Variants in FBXO27 observed in about 807,000 individuals in gnomAD.
FBXO27 encodes F-box protein 27.
FBXO27 carries 28 observed loss-of-function variants against 28.3 expected under a neutral mutation model. The ratio of observed to expected loss-of-function variants is 0.99; its 90% CI spans 0.73 to 1.36. The LOEUF is 1.36. Ranked by LOEUF, FBXO27 falls within the 40% of genes most tolerant of loss-of-function variation. FBXO27 has a pLI of 0.00. For missense variants in FBXO27, 388 were observed against 394.1 expected (o/e 0.98, Z 0.13); for synonymous variants, 175 against 167.3 (o/e 1.05, Z -0.36).
chr19:39,021,699 G>A (rs1261894184), downstream of FBXO27, among the ~76,000 whole-genome samples: 2 of 151,912 alleles, frequency 1.3e-5, no homozygotes, highest in Non-Finnish European at 2.9e-5. Flanking sequence ...GTCTTGCTGT[G>A]TTGCCCAGGC....
chr19:39,021,612 T>G (rs895481410), downstream of FBXO27, among the ~76,000 whole-genome samples: 2 of 152,194 alleles, frequency 1.3e-5, no homozygotes, highest in African/African-American at 4.8e-5. Flanking sequence ...GCGAGGCTTC[T>G]GGTCAACAGT....
chr19:39,013,983 A>C (rs1313121491), intron 2 of FBXO27, among the ~76,000 whole-genome samples: 3 of 152,170 alleles, frequency 2.0e-5, no homozygotes, highest in African/African-American at 7.2e-5. Flanking sequence ...ACTGCACTCC[A>C]GCCTGGGGGA....
At position 39,024,313 on chromosome 19, in the gene FBXO27, A is replaced by C. The variant is rs914600975; in HGVS notation, c.*1098T>G. 1 of 149,968 alleles carries C rather than the reference A, an allele frequency of 6.7e-6. No homozygotes were observed. Among genetic ancestry groups the C allele is most frequent in the Non-Finnish European group, 1.5e-5 (1 of 67,606 alleles). The allele number at this position is 149,968 out of a possible 1,614,324, so 9.3% of individuals were successfully genotyped here. A position where few individuals can be genotyped will look rare whatever the true frequency, so the allele number is the denominator to read the frequency against. On this transcript the variant is annotated 3_prime_UTR_variant, in exon 6 of 6. Coordinates refer to ENST00000292853, the MANE Select transcript of FBXO27 (RefSeq NM_178820.5). ...ATGATCATGGCTCACTATAGCCTCA[A>C]CCTGGGCACAAATGATCCTCCCACT...
chr19:39,020,508 G>C (rs953005054), downstream of FBXO27, among the ~76,000 whole-genome samples: 1 of 151,896 alleles, frequency 6.6e-6, no homozygotes, highest in Non-Finnish European at 1.5e-5. Context: ...GACCTTTAAG[G>C]CTCATTACAC....
intron 2 of FBXO27, among the ~76,000 whole-genome samples, chr19:39,012,483 G>A (rs1027400179): frequency 1.3e-5 from 2 of 151,906 alleles, no homozygotes; most frequent in Non-Finnish European, 2.9e-5. Context: ...CACGCCCAGC[G>A]TCATTTTCAA....
chr19:39,018,184 G>A (rs2072828623), intron 1 of FBXO27, among the ~76,000 whole-genome samples: 1 of 152,088 alleles, frequency 6.6e-6, no homozygotes, highest in East Asian at 1.9e-4. Context: ...GTTTCACCAT[G>A]TTGGCCAAAA....
chr19:39,025,997 G>A (rs979727414), intron 5 of FBXO27, among the ~76,000 whole-genome samples: 1 of 152,022 alleles, frequency 6.6e-6, no homozygotes, highest in African/African-American at 2.4e-5. Flanking sequence ...CAGCCTGGAT[G>A]ATGGAGCGAG....
chr19:39,019,267 C>CA (rs377475224), downstream of FBXO27, among the ~76,000 whole-genome samples: 16,791 of 147,730 alleles, frequency 0.11, 1,209 homozygotes, highest in African/African-American at 0.15. Flanking sequence ...ACTAAAAATA[C>CA]AAAAAAACTT....
downstream of FBXO27, among the ~76,000 whole-genome samples, chr19:39,020,381 A>G (rs1476387668): frequency 1.3e-5 from 2 of 152,042 alleles, no homozygotes; most frequent in Admixed American, 1.3e-4. Flanking sequence ...CTTTGATATT[A>G]GACAGTGTCC....
At chr19:39,026,222 C>T (rs1193428264) in intron 5 of FBXO27, among the ~76,000 whole-genome samples, 2 of 152,072 alleles carry the variant, frequency 1.3e-5, no homozygotes, top group Admixed American at 1.3e-4. Context: ...TGCCTAGGAG[C>T]CGCCATGGTG....
Position 39,025,314 on chromosome 19 carries a change from G to C in FBXO27, c.*97C>G. ...CCAGGAATTCTCAGTATGCCAGGGA[G>C]GTACAAGTGCTTGGTTGGTTAATGA... On this transcript the variant is annotated 3_prime_UTR_variant, in exon 6 of 6. Coordinates refer to ENST00000292853, the MANE Select transcript of FBXO27 (RefSeq NM_178820.5). 2.7e-6 allele frequency: 4 copies of C among 1,463,716 alleles called. No individual in the cohort carries two copies. The South Asian group carries it at 5.5e-5, about 20-fold the overall frequency. The allele number at this position is 1,463,716 out of a possible 1,614,324, so 90.7% of individuals were successfully genotyped here.
At chr19:39,027,206 C>T (rs1278167740) in intron 4 of FBXO27, among the ~76,000 whole-genome samples, 1 of 152,118 alleles carries the variant, frequency 6.6e-6, no homozygotes, top group African/African-American at 2.4e-5. Flanking sequence ...GGATAATCTA[C>T]CAATATGATT....
chr19:39,012,228 A>G (rs2072798881), intron 2 of FBXO27, among the ~76,000 whole-genome samples: 2 of 140,290 alleles, frequency 1.4e-5, no homozygotes, highest in South Asian at 4.5e-4. Context: ...CTTGTTGCCC[A>G]GGCTGGAGTG....
At chr19:39,019,424 C>T (rs1421547096), downstream of FBXO27, among the ~76,000 whole-genome samples, 3 of 35,418 alleles carry the variant, frequency 8.5e-5, no homozygotes, top group Admixed American at 1.4e-3. Flanking sequence ...GACTCTGTCT[C>T]AAAAAAAAAA....
At chr19:39,013,456 C>T (rs1258337546) in intron 2 of FBXO27, among the ~76,000 whole-genome samples, 1 of 151,678 alleles carries the variant, frequency 6.6e-6, no homozygotes, top group Non-Finnish European at 1.5e-5. Flanking sequence ...ATGGTGAAGC[C>T]CCGTCTCTAC....
At chr19:39,008,884 A>G (rs8109176) in intron 2 of FBXO27, among the ~76,000 whole-genome samples, 76,070 of 151,992 alleles carry the variant, frequency 0.5, 19,224 homozygotes, top group Middle Eastern at 0.58. Flanking sequence ...GCAGTGGGGT[A>G]ATCCTGGCTC....
At chr19:39,018,370 T>C (rs1180843509) in intron 1 of FBXO27, among the ~76,000 whole-genome samples, 1 of 152,214 alleles carries the variant, frequency 6.6e-6, no homozygotes, top group Non-Finnish European at 1.5e-5. Context: ...TGAAGTGTTG[T>C]ATCAGCTTAA....
At chr19:39,007,068 A>AAAAC (rs1975739775) in intron 2 of FBXO27, among the ~76,000 whole-genome samples, 1 of 149,858 alleles carries the variant, frequency 6.7e-6, no homozygotes, top group South Asian at 2.1e-4. Context: ...AAAAAAAAAA[A>AAAAC]AAAAAAAAAA....
At chr19:39,006,459 T>G (rs900682233) in intron 2 of FBXO27, among the ~76,000 whole-genome samples, 1 of 151,938 alleles carries the variant, frequency 6.6e-6, no homozygotes, top group Non-Finnish European at 1.5e-5. Flanking sequence ...TTCGAGAGGC[T>G]GAGGTAGGAG....
Sources: allele counts gnomAD v4.1 joint callset (sites outside exome capture counted in the v4.1 genomes callset), GRCh38; gene constraint gnomAD v4.1.1; transcripts MANE v1.5; gene names NCBI Gene and HGNC (gene_info 2026-07-23, HGNC 2026-07-21).